PTGER3: variants seen among roughly 807,000 people sequenced by gnomAD.
PTGER3 encodes the protein prostaglandin E receptor 3.
PTGER3 carries 22 observed loss-of-function variants against 34.7 expected under a neutral mutation model. The observed-to-expected ratio is 0.63, with a 90% CI of 0.45 to 0.91. The LOEUF (loss-of-function observed/expected upper bound fraction) is 0.91, where lower values mean the gene tolerates loss of function less well. PTGER3 is among the 40% of genes least tolerant of loss of function. The pLI is 0.00. For synonymous variants in PTGER3, 241 were observed against 230.1 expected (o/e 1.05, Z -0.43); for missense variants, 468 against 519.4 (o/e 0.90, Z 0.96).
downstream of PTGER3, among the ~76,000 whole-genome samples, chr1:70,948,809 G>A (rs140086584): frequency 6.6e-6 from 1 of 152,160 alleles, no homozygotes; most frequent in East Asian, 1.9e-4. Flanking sequence ...TGCCTTACAG[G>A]AAGGACCACA....
chr1:70,995,926 T>C (rs1428998612), intron 2 of PTGER3, among the ~76,000 whole-genome samples: 3 of 152,188 alleles, frequency 2.0e-5, no homozygotes, highest in African/African-American at 7.2e-5. Context: ...CTCATTTCCT[T>C]GCTATCTTGT....
At chr1:70,871,094 A>G (rs1406704185) in intron 4 of PTGER3, among the ~76,000 whole-genome samples, 1 of 152,172 alleles carries the variant, frequency 6.6e-6, no homozygotes, top group Non-Finnish European at 1.5e-5. Context: ...AGACTGGGTA[A>G]TTTATTTTAA....
In PTGER3 at chr1:71,046,738, C is replaced by T; in HGVS notation, c.840G>A (p.Thr280=). Residue 280 remains threonine (T), a synonymous_variant, in exon 1 of 4, where the codon ACG becomes ACA. Transcript: ENST00000306666. ...ACATGATCCCCATAAGCTGAATGGC[C>T]GTCTCGGTCGTGATGCGGCCCCACT... ...SAQWGRITTE[T]AIQLMGIMCV... The T allele has an allele frequency of 6.2e-7, 1 of 1,610,688 alleles. No homozygotes were observed. Among genetic ancestry groups the T allele is most frequent in the Non-Finnish European group, 8.5e-7 (1 of 1,178,330 alleles).
At chr1:70,991,063 A>C (rs755394252) in intron 2 of PTGER3, among the ~76,000 whole-genome samples, 1 of 152,136 alleles carries the variant, frequency 6.6e-6, no homozygotes, top group African/African-American at 2.4e-5. Flanking sequence ...CATTTGATTA[A>C]TAATAAAAGT....
At chr1:70,877,218 G>C (rs1446293901) in intron 4 of PTGER3, among the ~76,000 whole-genome samples, 1 of 152,068 alleles carries the variant, frequency 6.6e-6, no homozygotes, top group Non-Finnish European at 1.5e-5. Context: ...TTGTGGTGTT[G>C]TGAATGGGAT....
intron 4 of PTGER3, among the ~76,000 whole-genome samples, chr1:70,857,925 T>C (rs1488963309): frequency 6.6e-6 from 1 of 152,232 alleles, no homozygotes; most frequent in Admixed American, 6.5e-5. Flanking sequence ...AACACATAAA[T>C]TCAGGCCAGT....
chr1:71,013,478 G>A (rs909878841), intron 1 of PTGER3, among the ~76,000 whole-genome samples: 5 of 152,166 alleles, frequency 3.3e-5, no homozygotes, highest in East Asian at 1.9e-4. Flanking sequence ...CGAGGCAGGC[G>A]GATCACTTGA....
chr1:70,888,563 T>C (rs2100258585), intron 4 of PTGER3, among the ~76,000 whole-genome samples: 1 of 152,310 alleles, frequency 6.6e-6, no homozygotes, highest in Admixed American at 6.5e-5. Context: ...GTACACAATA[T>C]CATTAACCAT....
intron 1 of PTGER3, among the ~76,000 whole-genome samples, chr1:71,026,776 A>C (rs2100928611): frequency 6.6e-6 from 1 of 152,268 alleles, no homozygotes; most frequent in African/African-American, 2.4e-5. Flanking sequence ...TAAATTAGAT[A>C]GACGGTAAAA....
chr1:70,858,979 G>GT (rs1382977184), intron 4 of PTGER3, among the ~76,000 whole-genome samples: 3 of 152,220 alleles, frequency 2.0e-5, no homozygotes, highest in Admixed American at 2.0e-4. Flanking sequence ...TCAATAAGGT[G>GT]TTAGGTATCA....
chr1:70,905,280 G>A (rs1278279829), intron 4 of PTGER3, among the ~76,000 whole-genome samples: 1 of 152,036 alleles, frequency 6.6e-6, no homozygotes, highest in African/African-American at 2.4e-5. Flanking sequence ...GGAAACGTGG[G>A]GTCAGAGCAC....
rs555758899 is a variant in PTGER3, at chr1:70,987,796, G to A, written c.1078-13408C>T. ...TTGGATACTAGCAGAAGCTGTCAAG[G>A]GTCTTTTATACATCCGATAAATAAA... On this transcript the variant is annotated intron_variant, in intron 2 of 3. Coordinates refer to ENST00000306666, the MANE Select transcript of PTGER3 (RefSeq NM_198719.2). Among the ~76,000 whole-genome samples the A allele has an allele frequency of 2.6e-5, 4 of 152,142 alleles. No individual in the cohort carries two copies. The South Asian group carries it at 6.2e-4, about 24-fold the overall frequency.
At chr1:70,988,749 T>G (rs1481454889) in intron 2 of PTGER3, among the ~76,000 whole-genome samples, 2 of 152,140 alleles carry the variant, frequency 1.3e-5, no homozygotes, top group Non-Finnish European at 2.9e-5. Context: ...TTTTATTTAT[T>G]TTTTGTTTTT....
At chr1:70,903,140 T>C (rs1379158026) in intron 4 of PTGER3, among the ~76,000 whole-genome samples, 2 of 152,092 alleles carry the variant, frequency 1.3e-5, no homozygotes, top group African/African-American at 4.8e-5. Flanking sequence ...TGAAGTAATG[T>C]GACTACAAGC....
chr1:71,022,544 G>T lies in PTGER3; in HGVS notation c.898-10060C>A, dbSNP rs116478015. Among the ~76,000 whole-genome samples the T allele has an allele frequency of 2.0e-3, 311 of 151,908 alleles. 9 individuals are homozygous for T. Among genetic ancestry groups the T allele is most frequent in the African/African-American group, 7.3e-3 (299 of 41,238 alleles). On this transcript the variant is annotated intron_variant, in intron 1 of 3. Coordinates refer to ENST00000306666, the MANE Select transcript of PTGER3 (RefSeq NM_198719.2). The stretch of plus-strand genomic sequence containing the variant: ...CTTTGCAGTATGTCAAAATGACACT[G>T]CCTTTTAAATCTATTAAGACTTCAT...
At chr1:70,878,856 G>GT (rs1158414130) in intron 4 of PTGER3, among the ~76,000 whole-genome samples, 2 of 152,060 alleles carry the variant, frequency 1.3e-5, no homozygotes, top group African/African-American at 4.8e-5. Context: ...ATTTCTGTTT[G>GT]TTTTTTGGTT....
At chr1:70,913,083 G>T (rs1426506102) in intron 4 of PTGER3, among the ~76,000 whole-genome samples, 2 of 151,866 alleles carry the variant, frequency 1.3e-5, no homozygotes, top group Non-Finnish European at 2.9e-5. Flanking sequence ...GTTTTGAGAG[G>T]ATTTCCATCT....
chr1:70,998,858 A>G (rs2100803844), intron 2 of PTGER3, among the ~76,000 whole-genome samples: 1 of 152,310 alleles, frequency 6.6e-6, no homozygotes, highest in Non-Finnish European at 1.5e-5. Flanking sequence ...GGTGCTTATT[A>G]TGATGACGGT....
chr1:70,997,356 T>A (rs1300222523), intron 2 of PTGER3, among the ~76,000 whole-genome samples: 1 of 152,142 alleles, frequency 6.6e-6, no homozygotes, highest in African/African-American at 2.4e-5. Context: ...ACATAACAGG[T>A]TAGATAATAT....
Sources: allele counts gnomAD v4.1 joint callset (sites outside exome capture counted in the v4.1 genomes callset), GRCh38; gene constraint gnomAD v4.1.1; transcripts MANE v1.5; gene names NCBI Gene and HGNC (gene_info 2026-07-23, HGNC 2026-07-21).